The following NYAP2 variants were observed in gnomAD, a reference collection of about 807,000 sequenced individuals.
NYAP2 encodes neuronal tyrosine-phosphorylated phosphoinositide-3-kinase adaptor 2, also known as neuronal tyrosine-phosphorylated phosphoinositide-3-kinase adapter 2.
A neutral mutation model predicts 50.4 loss-of-function variants in NYAP2; 23 were observed. That is an observed-to-expected ratio of 0.46 (90% CI 0.33 to 0.65). NYAP2 has a LOEUF of 0.65. Ranked by LOEUF, NYAP2 falls within the 30% of genes least tolerant of loss-of-function variation. The probability of loss-of-function intolerance (pLI) is 0.02; values close to 1 mark genes in which losing one functional copy is unlikely to be tolerated. For synonymous variants in NYAP2, 394 were observed against 365.2 expected (o/e 1.08, Z -0.90); for missense variants, 885 against 861.0 (o/e 1.03, Z -0.35).
At chr2:225,568,466 C>T (rs914428761) in intron 4 of NYAP2, among the ~76,000 whole-genome samples, 7 of 152,062 alleles carry the variant, frequency 4.6e-5, no homozygotes, top group African/African-American at 1.7e-4. Flanking sequence ...GAGGAAATGA[C>T]AAATTATAGG....
intron 5 of NYAP2, among the ~76,000 whole-genome samples, chr2:225,590,578 G>A (rs1215701457): frequency 6.6e-6 from 1 of 152,174 alleles, no homozygotes. Flanking sequence ...GGGACATATG[G>A]TTAAATGTGA....
At chr2:225,662,099 G>A in the NYAP2 span, among the ~76,000 whole-genome samples, 3 of 152,084 alleles carry the variant, frequency 2.0e-5, no homozygotes, top group African/African-American at 4.8e-5. Flanking sequence ...AATTTCCCAG[G>A]TCTTGCCTTT....
chr2:225,599,538 A>T (rs573684749), intron 5 of NYAP2, among the ~76,000 whole-genome samples: 21 of 152,314 alleles, frequency 1.4e-4, no homozygotes, highest in Middle Eastern at 3.4e-3. Flanking sequence ...TCCTACTAAG[A>T]GCAGCAAGTT....
intron 5 of NYAP2, among the ~76,000 whole-genome samples, chr2:225,619,447 G>A (rs1428604767): frequency 4.6e-5 from 7 of 152,190 alleles, no homozygotes; most frequent in African/African-American, 1.7e-4. Context: ...CAGGTGGTGA[G>A]GATTTATAAG....
At position 225,520,413 on chromosome 2, in the gene NYAP2, A is replaced by G. The variant is rs1464645812; in HGVS notation, c.523+6741A>G. On this transcript the variant is annotated intron_variant, in intron 4 of 6. Transcript: ENST00000636099. ...GGGTTTTTATGGTTTTAGGTCTAAC[A>G]TTTAAGTCTTTAATCCATCTTGAAT... Among the ~76,000 whole-genome samples the G allele has an allele frequency of 6.6e-5, 10 of 152,122 alleles. No individual in the cohort carries two copies. In the East Asian group the frequency reaches 7.7e-4, roughly 12 times the overall value.
chr2:225,479,543 A>G (rs1690170729), intron 3 of NYAP2, among the ~76,000 whole-genome samples: 1 of 152,200 alleles, frequency 6.6e-6, no homozygotes, highest in African/African-American at 2.4e-5. Context: ...CCAAAAGTTC[A>G]GCATTGCATG....
the NYAP2 span, among the ~76,000 whole-genome samples, chr2:225,696,534 A>G: frequency 6.6e-6 from 1 of 151,928 alleles, no homozygotes; most frequent in Non-Finnish European, 1.5e-5. Flanking sequence ...CAGGATTTAA[A>G]TCCATGTTTT....
intron 5 of NYAP2, among the ~76,000 whole-genome samples, chr2:225,618,259 C>G (rs1442664391): frequency 6.6e-6 from 1 of 152,204 alleles, no homozygotes; most frequent in Non-Finnish European, 1.5e-5. Flanking sequence ...CAAAGAAGAT[C>G]CAAAGAAGCT....
chr2:225,599,232 A>T (rs1692657395), intron 5 of NYAP2, among the ~76,000 whole-genome samples: 1 of 152,232 alleles, frequency 6.6e-6, no homozygotes, highest in African/African-American at 2.4e-5. Flanking sequence ...TCCAGTTAAC[A>T]GGAACCACTA....
At chr2:225,476,873 A>G (rs985802620) in intron 3 of NYAP2, among the ~76,000 whole-genome samples, 1 of 152,224 alleles carries the variant, frequency 6.6e-6, no homozygotes. Context: ...CTTTGTTTTT[A>G]ATATAATTTA....
At chr2:225,650,625 C>G (rs980341948) in intron 6 of NYAP2, among the ~76,000 whole-genome samples, 2 of 152,200 alleles carry the variant, frequency 1.3e-5, no homozygotes, top group Non-Finnish European at 2.9e-5. Flanking sequence ...CTGGAATGTA[C>G]TAGGCACTCA....
chr2:225,526,404 G>A (rs1199446502), intron 4 of NYAP2, among the ~76,000 whole-genome samples: 1 of 152,160 alleles, frequency 6.6e-6, no homozygotes, highest in Non-Finnish European at 1.5e-5. Context: ...AGGGGAGGGT[G>A]GTTAAGACAA....
chr2:225,444,442 A>G (rs1436120652), intron 3 of NYAP2, among the ~76,000 whole-genome samples: 2 of 152,132 alleles, frequency 1.3e-5, no homozygotes, highest in African/African-American at 4.8e-5. Context: ...TCTTCCCATA[A>G]AGATTTGCAT....
At chr2:225,697,741 T>C in the NYAP2 span, among the ~76,000 whole-genome samples, 2 of 152,142 alleles carry the variant, frequency 1.3e-5, no homozygotes, top group African/African-American at 4.8e-5. Context: ...TTTCATATCA[T>C]GAACTTTCAG....
intron 3 of NYAP2, among the ~76,000 whole-genome samples, chr2:225,503,466 A>G (rs765265138): frequency 2.0e-5 from 3 of 152,236 alleles, no homozygotes; most frequent in Non-Finnish European, 2.9e-5. Context: ...TTTTAAGTAA[A>G]AATAAGTCTC....
At chr2:225,536,199 A>G (rs536239220) in intron 4 of NYAP2, among the ~76,000 whole-genome samples, 51 of 152,072 alleles carry the variant, frequency 3.4e-4, no homozygotes, top group Non-Finnish European at 6.6e-4. Context: ...TGAACCCCCA[A>G]CCCCTTTCCA....
chr2:225,547,720 C>G (rs1003845565), intron 4 of NYAP2, among the ~76,000 whole-genome samples: 1 of 152,188 alleles, frequency 6.6e-6, no homozygotes, highest in African/African-American at 2.4e-5. Flanking sequence ...TCAACACTGT[C>G]TTTCCCACCC....
chr2:225,502,401 G>A (rs1690622672), intron 3 of NYAP2, among the ~76,000 whole-genome samples: 1 of 152,182 alleles, frequency 6.6e-6, no homozygotes, highest in African/African-American at 2.4e-5. Context: ...AAATAGAGAA[G>A]AATGTCATTA....
At chr2:225,655,364 T>C (rs1267642152), downstream of NYAP2, among the ~76,000 whole-genome samples, 1 of 152,168 alleles carries the variant, frequency 6.6e-6, no homozygotes, top group Non-Finnish European at 1.5e-5. Context: ...TTATAGACAT[T>C]TTCTTGGAAC....
Sources: allele counts gnomAD v4.1 joint callset (sites outside exome capture counted in the v4.1 genomes callset), GRCh38; gene constraint gnomAD v4.1.1; transcripts MANE v1.5; gene names NCBI Gene and HGNC (gene_info 2026-07-23, HGNC 2026-07-21).